Variants in MAGI3 observed in about 807,000 individuals in gnomAD.
The protein encoded by MAGI3 is membrane associated guanylate kinase, WW and PDZ domain containing 3.
MAGI3 carries 43 observed loss-of-function variants against 121.8 expected under a neutral mutation model. The observed-to-expected ratio is 0.35, with a 90% confidence interval of 0.28 to 0.46. MAGI3 has a LOEUF of 0.46. Among genes scored for constraint, MAGI3 ranks in the 20% least tolerant of loss-of-function variants. The probability of loss-of-function intolerance (pLI) is 1.00; values close to 1 mark genes in which losing one functional copy is unlikely to be tolerated. For synonymous variants in MAGI3, 553 were observed against 639.3 expected (o/e 0.86, Z 2.04); for missense variants, 1,547 against 1,797.3 (o/e 0.86, Z 2.52).
At chr1:113,483,143 A>G (rs901315904) in intron 1 of MAGI3, among the ~76,000 whole-genome samples, 1 of 152,212 alleles carries the variant, frequency 6.6e-6, no homozygotes, top group Non-Finnish European at 1.5e-5. Flanking sequence ...GATTACTGGA[A>G]AATTTGAACA....
chr1:113,515,718 T>C (rs895981281), intron 1 of MAGI3, among the ~76,000 whole-genome samples: 2 of 152,094 alleles, frequency 1.3e-5, no homozygotes, highest in African/African-American at 4.8e-5. Context: ...GTGTGCTTAG[T>C]CACTATTATA....
chr1:113,552,028 TC>T (rs1436305003), intron 2 of MAGI3, among the ~76,000 whole-genome samples: 8 of 152,166 alleles, frequency 5.3e-5, no homozygotes, highest in Non-Finnish European at 1.2e-4. Context: ...AGTAAATGTA[TC>T]CCACACTTTG....
chr1:113,666,157 T>C (rs1380526830), intron 16 of MAGI3, among the ~76,000 whole-genome samples: 1 of 152,208 alleles, frequency 6.6e-6, no homozygotes, highest in Non-Finnish European at 1.5e-5. Context: ...CTGACTGATT[T>C]GGGTGGTAGT....
At chr1:113,411,563 T>C (rs1158396388) in intron 1 of MAGI3, among the ~76,000 whole-genome samples, 19 of 152,082 alleles carry the variant, frequency 1.2e-4, no homozygotes, top group Admixed American at 1.2e-3. Context: ...TATCTAGAAA[T>C]GATATGTTTT....
chr1:113,540,901 CT>C (rs1244366096), intron 1 of MAGI3, among the ~76,000 whole-genome samples: 1 of 152,116 alleles, frequency 6.6e-6, no homozygotes, highest in African/African-American at 2.4e-5. Flanking sequence ...AATTTTGATG[CT>C]GCATTAATGT....
intron 1 of MAGI3, among the ~76,000 whole-genome samples, chr1:113,464,758 G>A (rs1322295371): frequency 6.6e-6 from 1 of 152,142 alleles, no homozygotes; most frequent in Non-Finnish European, 1.5e-5. Context: ...CTAACAAGGA[G>A]CATTTGCTCA....
At chr1:113,593,698 C>T (rs1473381662) in intron 5 of MAGI3, among the ~76,000 whole-genome samples, 2 of 152,132 alleles carry the variant, frequency 1.3e-5, no homozygotes, top group African/African-American at 2.4e-5. Context: ...AGTTTCATTT[C>T]GGCGTTAGTA....
chr1:113,673,317 T>A lies in MAGI3; in HGVS notation c.3046-5T>A. The A allele has an allele frequency of 2.5e-6, 4 of 1,609,042 alleles. No homozygotes were observed. The highest frequency in any genetic ancestry group is 3.4e-6 in the Non-Finnish European group (4 of 1,179,020). On this transcript the variant is annotated splice_polypyrimidine_tract_variant and splice_region_variant and intron_variant, in intron 18 of 20. Coordinates refer to ENST00000307546, the MANE Select transcript of MAGI3 (RefSeq NM_001142782.2). ...CTTGCTTTTCTTATACTTCTTTCTC[T>A]CTAGAACCTTGGTTGTTATCCAGTA...
At chr1:113,571,275 A>T (rs558625976) in intron 2 of MAGI3, among the ~76,000 whole-genome samples, 2 of 152,242 alleles carry the variant, frequency 1.3e-5, no homozygotes, top group South Asian at 4.1e-4. Flanking sequence ...TACCAATACC[A>T]TATTGTTTTG....
At chr1:113,430,852 A>G (rs976877117) in intron 1 of MAGI3, among the ~76,000 whole-genome samples, 12 of 152,256 alleles carry the variant, frequency 7.9e-5, no homozygotes, top group Non-Finnish European at 1.6e-4. Flanking sequence ...GCTTCATATG[A>G]CTTATGGCAT....
intron 6 of MAGI3, among the ~76,000 whole-genome samples, chr1:113,608,240 G>A (rs759088410): frequency 6.6e-6 from 1 of 152,056 alleles, no homozygotes; most frequent in African/African-American, 2.4e-5. Flanking sequence ...GAGGGAGGGA[G>A]GGAAGAAGGG....
At chr1:113,661,011 A>G (rs544095053) in intron 16 of MAGI3, among the ~76,000 whole-genome samples, 3 of 152,158 alleles carry the variant, frequency 2.0e-5, no homozygotes, top group Non-Finnish European at 4.4e-5. Context: ...AGCAGAGGCT[A>G]TTTAAACCCA....
intron 1 of MAGI3, among the ~76,000 whole-genome samples, chr1:113,548,933 A>G (rs1033745153): frequency 3.9e-5 from 6 of 152,204 alleles, no homozygotes; most frequent in African/African-American, 1.4e-4. Context: ...TTGGATCTGG[A>G]TGGGTAGAAG....
intron 2 of MAGI3, among the ~76,000 whole-genome samples, chr1:113,550,115 A>G (rs1254961583): frequency 8.5e-5 from 10 of 117,496 alleles, no homozygotes; most frequent in Non-Finnish European, 1.8e-4. Flanking sequence ...TACTCTGTCT[A>G]AAAAAAAAAA....
At chr1:113,612,948 T>A (rs892839381) in intron 6 of MAGI3, among the ~76,000 whole-genome samples, 1 of 152,190 alleles carries the variant, frequency 6.6e-6, no homozygotes, top group Non-Finnish European at 1.5e-5. Context: ...ATAAATCTAA[T>A]TGTGGTACAG....
chr1:113,412,482 C>A (rs1016701483), intron 1 of MAGI3, among the ~76,000 whole-genome samples: 3 of 152,128 alleles, frequency 2.0e-5, no homozygotes, highest in Non-Finnish European at 4.4e-5. Context: ...AATTTACACT[C>A]CCACCAATAG....
chr1:113,431,311 T>C (rs1356837689), intron 1 of MAGI3, among the ~76,000 whole-genome samples: 3 of 152,174 alleles, frequency 2.0e-5, no homozygotes, highest in Non-Finnish European at 4.4e-5. Flanking sequence ...GATACTTGCC[T>C]TCACTATTTC....
At chr1:113,561,842 T>C (rs1484081522) in intron 2 of MAGI3, among the ~76,000 whole-genome samples, 1 of 152,226 alleles carries the variant, frequency 6.6e-6, no homozygotes, top group East Asian at 1.9e-4. Context: ...GCCGATGACA[T>C]GATCTCCTAT....
Position 113,683,975 on chromosome 1 carries a change from A to C in MAGI3, c.4407A>C (p.Lys1469Asn). The change falls in exon 21 of 21, where the codon AAA becomes AAC. Residue 1469 changes from lysine to asparagine, a missense_variant. Transcript: ENST00000307546. ...CCTGGAAGGTTCCAAGTGGAAATAAAGTCACAGGCACTATTGGTATGGCTG... is the reference window on the plus strand; with the variant it reads ...CCTGGAAGGTTCCAAGTGGAAATAACGTCACAGGCACTATTGGTATGGCTG... Reference protein sequence around the residue: ...PGPWKVPSGNKVTGTIGMAEK... With the variant: ...PGPWKVPSGNNVTGTIGMAEK... 6.3e-7 allele frequency: 1 copy of C among 1,596,994 alleles called. No homozygotes were observed. The highest frequency in any genetic ancestry group is 1.1e-5 in the South Asian group (1 of 87,270).
Sources: gnomAD v4.1 joint callset for allele counts (sites outside exome capture counted in the v4.1 genomes callset) on GRCh38, gnomAD v4.1.1 for gene constraint, MANE v1.5 for transcripts, NCBI Gene and HGNC (gene_info 2026-07-23, HGNC 2026-07-21) for gene names.